The following DAG1 variants were observed in gnomAD, a reference collection of about 807,000 sequenced individuals.
DAG1 encodes dystroglycan 1.
DAG1 carries 8 observed loss-of-function variants against 46.1 expected under a neutral mutation model. The observed-to-expected ratio is 0.17, with a 90% CI of 0.10 to 0.31. The LOEUF is 0.31. Ranked by LOEUF, DAG1 falls within the 10% of genes least tolerant of loss-of-function variation. DAG1 has a pLI of 1.00. For missense variants in DAG1, 1,003 were observed against 1,189.9 expected, an observed-to-expected ratio of 0.84 and a Z score of 2.31; for synonymous variants, 495 against 481.8, an observed-to-expected ratio of 1.03 and a Z score of -0.36.
intron 1 of DAG1, among the ~76,000 whole-genome samples, chr3:49,474,194 A>G (rs2049610558): frequency 6.6e-6 from 1 of 151,946 alleles, no homozygotes; most frequent in Admixed American, 6.6e-5. Flanking sequence ...AGCTGGGACT[A>G]CAGGCGCATG....
chr3:49,518,213 T>C (rs991367901), intron 2 of DAG1, among the ~76,000 whole-genome samples: 4 of 152,210 alleles, frequency 2.6e-5, no homozygotes, highest in African/African-American at 7.2e-5. Flanking sequence ...GTGATCTGCA[T>C]GGTCTGTCCC....
chr3:49,484,797 CTTT>C (rs1019383704), intron 1 of DAG1, among the ~76,000 whole-genome samples: 3 of 138,540 alleles, frequency 2.2e-5, no homozygotes, highest in Admixed American at 7.3e-5. Flanking sequence ...GCCATTGCTG[CTTT>C]TTTTTTTTTT....
At chr3:49,485,538 A>G (rs2050000785) in intron 1 of DAG1, among the ~76,000 whole-genome samples, 1 of 151,760 alleles carries the variant, frequency 6.6e-6, no homozygotes, top group Non-Finnish European at 1.5e-5. Context: ...ATTATTTCAC[A>G]TTTAATTTCA....
intron 1 of DAG1, among the ~76,000 whole-genome samples, chr3:49,497,735 A>G (rs1220344456): frequency 3.3e-5 from 5 of 152,232 alleles, no homozygotes; most frequent in Non-Finnish European, 1.5e-5. Context: ...AACGCAGTGT[A>G]TGGACTTCAG....
chr3:49,492,174 C>T (rs979405777), intron 1 of DAG1, among the ~76,000 whole-genome samples: 4 of 151,756 alleles, frequency 2.6e-5, no homozygotes, highest in Middle Eastern at 3.4e-3. Flanking sequence ...ATCTGCCTGC[C>T]TTGGCCTCCT....
intron 1 of DAG1, among the ~76,000 whole-genome samples, chr3:49,475,483 C>T (rs1484595161): frequency 6.8e-6 from 1 of 146,742 alleles, no homozygotes; most frequent in Non-Finnish European, 1.5e-5. Context: ...TTGGCTCCTG[C>T]AACCTCCACC....
intron 1 of DAG1, among the ~76,000 whole-genome samples, chr3:49,498,300 A>T (rs1259806037): frequency 6.6e-6 from 1 of 152,116 alleles, no homozygotes; most frequent in Non-Finnish European, 1.5e-5. Context: ...TTTTAGGGTG[A>T]TACCTTGAAT....
intron 1 of DAG1, among the ~76,000 whole-genome samples, chr3:49,501,814 C>A (rs867567293): frequency 1.9e-3 from 233 of 121,548 alleles, no homozygotes; most frequent in Middle Eastern, 4.3e-3. Context: ...ACTCCCTCTC[C>A]AAAAAAAAAA....
intron 1 of DAG1, among the ~76,000 whole-genome samples, chr3:49,506,520 T>G (rs1222807291): frequency 2.0e-5 from 3 of 152,192 alleles, no homozygotes; most frequent in Non-Finnish European, 4.4e-5. Context: ...AGTGTTGAAT[T>G]TTGTCAGACA....
intron 1 of DAG1, among the ~76,000 whole-genome samples, chr3:49,480,961 C>CTGTGTTAGCCAGGAGA (rs2049862693): frequency 9.0e-6 from 1 of 110,882 alleles, no homozygotes; most frequent in Non-Finnish European, 2.4e-5. Context: ...GGGGGTTTCA[C>CTGTGTTAGCCAGGAGA]CCTGTTAGCC....
rs2051416935 is a variant in DAG1 at position 49,533,175 on chromosome 3, ACCT to A, written c.2670_2672del (p.Pro891del). The A allele has an allele frequency of 6.2e-7, 1 of 1,613,472 alleles. No homozygotes were observed. Among genetic ancestry groups the A allele is most frequent in the Non-Finnish European group, 8.5e-7 (1 of 1,179,966 alleles). Reference sequence around the variant, plus strand: ...CCAAGAACATGACCCCATACCGGTCACCTCCTCCCTATGTCCCACCTTAACCCG... The same window carrying A: ...CCAAGAACATGACCCCATACCGGTCACCTCCCTATGTCCCACCTTAACCCG... On this transcript the variant is annotated inframe_deletion, in exon 3 of 3. Transcript: ENST00000308775.
At chr3:49,480,974 G>C (rs1473069977) in intron 1 of DAG1, among the ~76,000 whole-genome samples, 1 of 106,942 alleles carries the variant, frequency 9.4e-6, no homozygotes, top group South Asian at 2.5e-4. Context: ...TGTTAGCCAG[G>C]ACGGTCTCGA....
Position 49,532,705 on chromosome 3 carries a change from C to A in DAG1, c.2194C>A (p.Pro732Thr), listed in dbSNP as rs1406481422. The change falls in exon 3 of 3, where the codon CCG becomes ACG. Residue 732 changes from proline to threonine, a missense_variant. Pro to Thr is a conservative substitution (Grantham distance 38). Transcript: ENST00000308775. The surrounding 1 kb of genome is among the most constrained non-coding windows in gnomAD (Gnocchi z 5.4). ...VPPRRVPSEA[P>T]PTEVPDRDPE... is the part of the protein sequence containing the mutation. ...ACCCAGGAGAGTGCCCTCAGAGGCG[C>A]CGCCCACAGAAGTGCCTGACAGGGA... 3 of 1,614,146 alleles carry A rather than the reference C, an allele frequency of 1.9e-6. No homozygotes were observed. The highest frequency in any genetic ancestry group is 2.5e-6 in the Non-Finnish European group (3 of 1,180,036).
intron 1 of DAG1, among the ~76,000 whole-genome samples, chr3:49,499,020 T>C (rs539586751): frequency 6.6e-6 from 1 of 152,348 alleles, no homozygotes; most frequent in African/African-American, 2.4e-5. Flanking sequence ...ATTCCTTAAA[T>C]GTTTTAATGA....
At chr3:49,523,171 C>T (rs2051081823) in intron 2 of DAG1, among the ~76,000 whole-genome samples, 1 of 152,176 alleles carries the variant, frequency 6.6e-6, no homozygotes, top group African/African-American at 2.4e-5. Flanking sequence ...AGGCAGAAAT[C>T]TTTATACCAG....
chr3:49,479,232 G>C (rs2049790422), intron 1 of DAG1, among the ~76,000 whole-genome samples: 1 of 152,012 alleles, frequency 6.6e-6, no homozygotes. Context: ...CCTTTCCAGA[G>C]ACAGTTGTGA....
At chr3:49,472,966 C>T (rs1391340415) in intron 1 of DAG1, among the ~76,000 whole-genome samples, 2 of 148,260 alleles carry the variant, frequency 1.3e-5, no homozygotes, top group Non-Finnish European at 1.5e-5. Context: ...CTAAAAAATA[C>T]AAAAATTAGC....
rs556981888 is a variant in DAG1, at chr3:49,511,994, A to G, written c.285+1175A>G. On this transcript the variant is annotated intron_variant, in intron 2 of 2. Coordinates refer to ENST00000308775, the MANE Select transcript of DAG1 (RefSeq NM_004393.6). ...TTATAGTCCCATTCTGACTTGAAAC[A>G]GATTTTTGAATTTCATATGTCAAGA... 1.4e-3 allele frequency among the ~76,000 whole-genome samples: 219 copies of G among 152,290 alleles called. 7 individuals are homozygous for G. The South Asian group carries it at 0.043, about 30-fold the overall frequency.
At chr3:49,505,767 G>A (rs539720611) in intron 1 of DAG1, among the ~76,000 whole-genome samples, 9 of 151,752 alleles carry the variant, frequency 5.9e-5, no homozygotes, top group Non-Finnish European at 7.4e-5. Context: ...CACCTCCCAG[G>A]TTCAAACAAT....
Sources: allele counts gnomAD v4.1 joint callset (sites outside exome capture counted in the v4.1 genomes callset), GRCh38; gene constraint gnomAD v4.1.1; non-coding constraint Gnocchi (gnomAD v3.1); transcripts MANE v1.5; gene names NCBI Gene and HGNC (gene_info 2026-07-23, HGNC 2026-07-21).